The following CREB1 variants were observed in gnomAD, a reference collection of about 807,000 sequenced individuals.
CREB1 encodes cAMP responsive element binding protein 1, also known as cyclic AMP-responsive element-binding protein 1.
In CREB1, 2 loss-of-function variants were observed where a neutral mutation model predicts 42.0. The observed-to-expected ratio is 0.05, with a 90% confidence interval of 0.02 to 0.15. The LOEUF is 0.15. CREB1 is among the 10% of genes least tolerant of loss of function. The pLI is 1.00. For missense variants in CREB1, 199 were observed against 388.9 expected (o/e 0.51, Z 4.11); for synonymous variants, 123 against 139.9 (o/e 0.88, Z 0.85).
chr2:207,575,946 C>CA (rs1553503396), intron 6 of CREB1, among the ~76,000 whole-genome samples: 7 of 68,308 alleles, frequency 1.0e-4, no homozygotes, highest in African/African-American at 2.7e-4. Context: ...CCCCCCCCCC[C>CA]CCAAAAGAAA....
Position 207,601,807 on chromosome 2 carries a change from G to C in CREB1, c.*4749G>C, listed in dbSNP as rs747762267. ...TGCATAGTAAGGCTGTAGGTGAAGA[G>C]TTGTGAGATAAATAGTTCACTCAGT... On this transcript the variant is annotated 3_prime_UTR_variant, in exon 8 of 8. Coordinates refer to ENST00000353267, the MANE Select transcript of CREB1 (RefSeq NM_004379.5). The C allele has an allele frequency of 4.6e-6, 1 of 219,056 alleles. No homozygotes were observed. The highest frequency in any genetic ancestry group is 9.2e-6 in the Non-Finnish European group (1 of 109,218). The allele number at this position is 219,056 out of a possible 1,614,324, so 13.6% of individuals were successfully genotyped here. A position where few individuals can be genotyped will look rare whatever the true frequency, so the allele number is the denominator to read the frequency against.
intron 1 of CREB1, among the ~76,000 whole-genome samples, chr2:207,540,669 TA>T (rs35714520): frequency 0.2 from 12,708 of 64,378 alleles, 752 homozygotes; most frequent in Non-Finnish European, 0.2. Context: ...GTTTAAAAAG[TA>T]AAAAAAAAAA....
intron 1 of CREB1, among the ~76,000 whole-genome samples, chr2:207,534,914 C>T (rs1305067021): frequency 2.6e-5 from 4 of 152,090 alleles, no homozygotes; most frequent in Non-Finnish European, 4.4e-5. Context: ...ACTAGGTATA[C>T]GCTCTCCTAT....
chr2:207,575,549 C>T lies in CREB1; in HGVS notation c.688+95C>T, dbSNP rs1265293093. 4.8e-6 allele frequency: 5 copies of T among 1,051,214 alleles called. No individual in the cohort carries two copies. In the Admixed American group the frequency reaches 9.4e-5, roughly 20 times the overall value. 65.1% of individuals were successfully genotyped at this position (1,051,214 alleles called of 1,614,324 possible). On this transcript the variant is annotated intron_variant, in intron 6 of 7. Coordinates refer to ENST00000353267, the MANE Select transcript of CREB1 (RefSeq NM_004379.5). ...AAAGTAAGTATCATATTGCAAACCACCATTCAAATGTAGTTAACATTTCTT... is the reference window on the plus strand; with the variant it reads ...AAAGTAAGTATCATATTGCAAACCATCATTCAAATGTAGTTAACATTTCTT...
chr2:207,540,254 G>A (rs566561617), intron 1 of CREB1, among the ~76,000 whole-genome samples: 3 of 152,316 alleles, frequency 2.0e-5, no homozygotes, highest in Admixed American at 2.0e-4. Context: ...AGACATTCCA[G>A]TGGGACACGT....
At chr2:207,595,404 C>G (rs990972017) in intron 7 of CREB1, among the ~76,000 whole-genome samples, 2 of 151,858 alleles carry the variant, frequency 1.3e-5, no homozygotes, top group African/African-American at 4.8e-5. Flanking sequence ...TTCAAAAGTT[C>G]TTTATATATT....
chr2:207,582,077 C>T, intron 7 of CREB1: 1 of 701,200 alleles, frequency 1.4e-6, no homozygotes, highest in Non-Finnish European at 2.6e-6. Context: ...GGTTAAAGTG[C>T]TGTCCAGGTG....
chr2:207,551,521 G>A (rs556021964), intron 1 of CREB1, among the ~76,000 whole-genome samples: 4 of 152,196 alleles, frequency 2.6e-5, no homozygotes, highest in Admixed American at 6.5e-5. Context: ...TTTAAAAAAT[G>A]CTAATAATCT....
rs1422001614 is a variant in CREB1 at position 207,598,827 on chromosome 2, G to A, written c.*1769G>A. The A allele has an allele frequency of 2.4e-5, 4 of 163,830 alleles. No homozygotes were observed. The highest frequency in any genetic ancestry group is 1.1e-4 in the East Asian group (1 of 9,114). 10.1% of individuals were successfully genotyped at this position (163,830 alleles called of 1,614,324 possible). A position where few individuals can be genotyped will look rare whatever the true frequency, so the allele number is the denominator to read the frequency against. On this transcript the variant is annotated 3_prime_UTR_variant, in exon 8 of 8. Transcript: ENST00000353267. Reference sequence around the variant, plus strand: ...AGCACCATTGCACTCCAGCCTGGGCGACTCCATCTCAAAAAATAAAAATAA... The same window carrying A: ...AGCACCATTGCACTCCAGCCTGGGCAACTCCATCTCAAAAAATAAAAATAA...
chr2:207,593,591 G>A (rs1471809951), intron 7 of CREB1, among the ~76,000 whole-genome samples: 1 of 151,754 alleles, frequency 6.6e-6, no homozygotes, highest in Non-Finnish European at 1.5e-5. Flanking sequence ...TGAGGATGAA[G>A]ACATCAATGG....
At chr2:207,539,902 TATTAG>T (rs1304779519) in intron 1 of CREB1, among the ~76,000 whole-genome samples, 1 of 152,120 alleles carries the variant, frequency 6.6e-6, no homozygotes, top group African/African-American at 2.4e-5. Context: ...GTGAAGAAAG[TATTAG>T]ATTATAGATC....
At position 207,599,215 on chromosome 2, in the gene CREB1, G is replaced by C. The variant is rs143340162; in HGVS notation, c.*2157G>C. ...GATGTTTGTCCTGCTGAGCTAATGG[G>C]GAAAGTTATAGCATAAAAATTGTGT... is the stretch of plus-strand genomic sequence containing the variant. On this transcript the variant is annotated 3_prime_UTR_variant, in exon 8 of 8. Coordinates refer to ENST00000353267, the MANE Select transcript of CREB1 (RefSeq NM_004379.5). The C allele has an allele frequency of 1.1e-4, 21 of 196,634 alleles. No individual in the cohort carries two copies. The East Asian group carries it at 1.5e-3, about 14-fold the overall frequency. 12.2% of individuals were successfully genotyped at this position (196,634 alleles called of 1,614,324 possible).
intron 1 of CREB1, among the ~76,000 whole-genome samples, chr2:207,532,348 A>T (rs889877357): frequency 2.0e-5 from 3 of 151,736 alleles, no homozygotes. Flanking sequence ...AAGAAAGAAT[A>T]TATGACTCTT....
chr2:207,571,875 C>A, intron 5 of CREB1: 1 of 371,528 alleles, frequency 2.7e-6, no homozygotes, highest in South Asian at 2.0e-5. Flanking sequence ...AAAGTACCAG[C>A]ACCCCCATAG....
intron 6 of CREB1, chr2:207,577,176 A>T (rs1358566455): frequency 1.8e-6 from 2 of 1,083,284 alleles, no homozygotes; most frequent in Non-Finnish European, 2.2e-6. Flanking sequence ...ACTATACTCT[A>T]TCTAGGAAGA....
chr2:207,577,698 G>GTCTTCACATTCTGCTGGATGTGTA, intron 7 of CREB1, 43 bp downstream of exon 7: 1 of 1,603,520 alleles, frequency 6.2e-7, no homozygotes, highest in Non-Finnish European at 8.5e-7. Flanking sequence ...TGTTAAGTGT[G>GTCTTCACATTCTGCTGGATGTGTA]TCTTCACATT....
rs779501215 is a variant in CREB1 at position 207,555,779 on chromosome 2, G to C, written c.114+30G>C. On this transcript the variant is annotated intron_variant, in intron 2 of 7. Coordinates refer to ENST00000353267, the MANE Select transcript of CREB1 (RefSeq NM_004379.5). ...AAAATACATGGAGAGATTCCAGTTTGTGTCTCTTCCTAGAGGAATACGTTT... is the reference window on the plus strand; with the variant it reads ...AAAATACATGGAGAGATTCCAGTTTCTGTCTCTTCCTAGAGGAATACGTTT... The C allele has an allele frequency of 9.9e-6, 14 of 1,418,204 alleles. No individual in the cohort carries two copies. In the Admixed American group the frequency reaches 2.4e-4, roughly 24 times the overall value. The allele number at this position is 1,418,204 out of a possible 1,614,324, so 87.9% of individuals were successfully genotyped here.
intron 7 of CREB1, among the ~76,000 whole-genome samples, chr2:207,594,759 G>A (rs989075200): frequency 6.2e-4 from 94 of 152,162 alleles, no homozygotes; most frequent in Non-Finnish European, 9.9e-4. Context: ...TGGATCATAT[G>A]GTAAATTTTG....
chr2:207,549,649 C>T (rs1472298091), intron 1 of CREB1, among the ~76,000 whole-genome samples: 1 of 152,080 alleles, frequency 6.6e-6, no homozygotes, highest in African/African-American at 2.4e-5. Flanking sequence ...CCAAAGCAGG[C>T]AGATCACAAG....
Sources: allele counts gnomAD v4.1 joint callset (sites outside exome capture counted in the v4.1 genomes callset), GRCh38; gene constraint gnomAD v4.1.1; transcripts MANE v1.5; gene names NCBI Gene and HGNC (gene_info 2026-07-23, HGNC 2026-07-21).